The following KLHDC4 variants were observed in gnomAD, a reference collection of about 807,000 sequenced individuals.
KLHDC4 encodes the protein kelch domain-containing protein 4.
KLHDC4 carries 90 observed loss-of-function variants against 62.4 expected under a neutral mutation model. That is an observed-to-expected ratio of 1.44 (90% CI 1.22 to 1.72). The LOEUF (loss-of-function observed/expected upper bound fraction) is 1.72. Ranked by LOEUF, KLHDC4 falls within the 40% of genes most tolerant of loss-of-function variation. The probability of loss-of-function intolerance (pLI) is 0.00; values close to 1 mark genes in which losing one functional copy is unlikely to be tolerated. For synonymous variants in KLHDC4, 386 were observed against 284.4 expected (o/e 1.36, Z -3.59); for missense variants, 1,025 against 699.7 (o/e 1.47, Z -5.25).
chr16:87,725,984 G>T (rs2039300234), intron 7 of KLHDC4, among the ~76,000 whole-genome samples: 1 of 152,228 alleles, frequency 6.6e-6, no homozygotes, highest in Admixed American at 6.5e-5. Context: ...ACACTGCACT[G>T]CTGACAGGGG....
rs573428372 is a variant in KLHDC4 at position 87,744,555 on chromosome 16, C to G, written c.506+4118G>C. Among the ~76,000 whole-genome samples the G allele has an allele frequency of 4.0e-5, 6 of 151,010 alleles. No individual in the cohort carries two copies. In the East Asian group the frequency reaches 1.2e-3, roughly 29 times the overall value. ...CCAAGATTGTGCTACTGCACTCCAG[C>G]CTGGGCAACAGAGCTAGACTGTCTC... On this transcript the variant is annotated intron_variant, in intron 5 of 11. Coordinates refer to ENST00000270583, the MANE Select transcript of KLHDC4 (RefSeq NM_017566.4).
At chr16:87,722,134 T>C (rs1360620930) in intron 7 of KLHDC4, among the ~76,000 whole-genome samples, 1 of 152,158 alleles carries the variant, frequency 6.6e-6, no homozygotes, top group African/African-American at 2.4e-5. Context: ...TGCTGCTGGG[T>C]CTGCTGTCCC....
In KLHDC4 at chr16:87,760,791, G is replaced by C. The variant is rs138050091; in HGVS notation, c.191+1158C>G. ...CTCACGCCTGTAATCCCAGCACTTTGGGAGGCCAAGGCAGGTGGATTACCT... is the reference window on the plus strand; with the variant it reads ...CTCACGCCTGTAATCCCAGCACTTTCGGAGGCCAAGGCAGGTGGATTACCT... On this transcript the variant is annotated intron_variant, in intron 2 of 11. Transcript: ENST00000270583. Among the ~76,000 whole-genome samples the C allele has an allele frequency of 1.4e-4, 21 of 152,256 alleles. No homozygotes were observed. In the East Asian group the frequency reaches 3.5e-3, roughly 25 times the overall value.
intron 5 of KLHDC4, among the ~76,000 whole-genome samples, chr16:87,738,232 T>A (rs1445215787): frequency 1.3e-5 from 2 of 152,156 alleles, no homozygotes; most frequent in Admixed American, 6.5e-5. Flanking sequence ...AACGGAATCA[T>A]CCTGCCGAGG....
intron 8 of KLHDC4, among the ~76,000 whole-genome samples, chr16:87,713,629 C>G (rs1201400681): frequency 6.6e-6 from 1 of 152,240 alleles, no homozygotes; most frequent in Middle Eastern, 3.4e-3. Context: ...AACTGACGGG[C>G]AGCCACTGGC....
intron 5 of KLHDC4, among the ~76,000 whole-genome samples, chr16:87,737,961 C>T (rs920523284): frequency 6.6e-6 from 1 of 152,200 alleles, no homozygotes; most frequent in Non-Finnish European, 1.5e-5. Context: ...CGTCAGCAAA[C>T]AGCACAACGG....
chr16:87,706,475 C>G (rs1247148609), downstream of KLHDC4, among the ~76,000 whole-genome samples: 1 of 152,114 alleles, frequency 6.6e-6, no homozygotes, highest in Non-Finnish European at 1.5e-5. Flanking sequence ...AAGCTGCAGC[C>G]CTCGAGGGGG....
Position 87,711,318 on chromosome 16 carries a change from C to T in KLHDC4, c.961G>A (p.Glu321Lys). 1 of 1,614,124 alleles carries T rather than the reference C, an allele frequency of 6.2e-7. No homozygotes were observed. The highest frequency in any genetic ancestry group is 8.5e-7 in the Non-Finnish European group (1 of 1,180,038). Residue 321 changes from glutamate (E) to lysine (K), a missense_variant, in exon 9 of 12, where the codon GAG (glutamate) becomes AAG (lysine). Coordinates refer to ENST00000270583, the MANE Select transcript of KLHDC4 (RefSeq NM_017566.4). ...AAGAACTCGCCCGACAGGCTCTCCTCCTCTTCCTCGTCACAGACACCCCCG... is the reference window on the plus strand; with the variant it reads ...AAGAACTCGCCCGACAGGCTCTCCTTCTCTTCCTCGTCACAGACACCCCCG... ...FFGGVCDEEE[E>K]ESLSGEFFND...
At chr16:87,761,723 G>A (rs1336725464) in intron 2 of KLHDC4, among the ~76,000 whole-genome samples, 5 of 152,156 alleles carry the variant, frequency 3.3e-5, no homozygotes, top group Non-Finnish European at 7.3e-5. Context: ...AGTTGGCACC[G>A]GAGCCCAGAG....
chr16:87,728,253 G>A (rs570430029), intron 6 of KLHDC4, among the ~76,000 whole-genome samples: 63 of 152,314 alleles, frequency 4.1e-4, no homozygotes, highest in African/African-American at 1.4e-3. Context: ...ATCCTTCGCA[G>A]GACGATGGCT....
chr16:87,741,950 C>G (rs900728117), intron 5 of KLHDC4, among the ~76,000 whole-genome samples: 2 of 152,218 alleles, frequency 1.3e-5, no homozygotes, highest in African/African-American at 4.8e-5. Flanking sequence ...TGAGCTCTTC[C>G]TGGACTTCTC....
intron 1 of KLHDC4, among the ~76,000 whole-genome samples, chr16:87,764,259 A>T (rs991715580): frequency 5.3e-5 from 8 of 152,214 alleles, no homozygotes; most frequent in Non-Finnish European, 1.0e-4. Context: ...ATAACATACA[A>T]ACCCCAGGCC....
At chr16:87,756,539 C>T in intron 2 of KLHDC4, 62 bp from the exon 3 acceptor site, 2 of 1,185,844 alleles carry the variant, frequency 1.7e-6, no homozygotes, top group Non-Finnish European at 2.5e-6. Context: ...GAGCGCTGTC[C>T]CCTTCCTCAC....
chr16:87,717,039 C>A (rs1302722556), intron 7 of KLHDC4, among the ~76,000 whole-genome samples: 6 of 152,202 alleles, frequency 3.9e-5, no homozygotes. Context: ...CAAGACCAGC[C>A]TGGGCAATGG....
chr16:87,712,756 G>C (rs1343615682), intron 8 of KLHDC4, among the ~76,000 whole-genome samples: 1 of 152,236 alleles, frequency 6.6e-6, no homozygotes, highest in South Asian at 2.1e-4. Context: ...GAATTTTAGT[G>C]CAAGAAGGAG....
At chr16:87,752,089 C>CAAAAAAAAAAAAAAAA (rs1173625123) in intron 4 of KLHDC4, among the ~76,000 whole-genome samples, 1 of 29,468 alleles carries the variant, frequency 3.4e-5, no homozygotes, top group African/African-American at 1.7e-4. Context: ...GACTTTGTCT[C>CAAAAAAAAAAAAAAAA]AAAAAAAAAA....
chr16:87,746,990 G>A (rs1335220576), intron 5 of KLHDC4, among the ~76,000 whole-genome samples: 1 of 152,230 alleles, frequency 6.6e-6, no homozygotes, highest in Non-Finnish European at 1.5e-5. Flanking sequence ...TGCACACGAG[G>A]TAGGGGCTGC....
downstream of KLHDC4, among the ~76,000 whole-genome samples, chr16:87,704,224 G>A (rs1182987596): frequency 6.6e-6 from 1 of 152,196 alleles, no homozygotes; most frequent in East Asian, 1.9e-4. Context: ...ACGACACGTG[G>A]AAGGAGGCGC....
chr16:87,733,489 G>A (rs1286215243), intron 5 of KLHDC4, among the ~76,000 whole-genome samples: 1 of 152,208 alleles, frequency 6.6e-6, no homozygotes, highest in East Asian at 1.9e-4. Context: ...GACTACCCAG[G>A]GAATCTCCTA....
Sources: allele counts gnomAD v4.1 joint callset (sites outside exome capture counted in the v4.1 genomes callset), GRCh38; gene constraint gnomAD v4.1.1; transcripts MANE v1.5; gene names NCBI Gene and HGNC (gene_info 2026-07-23, HGNC 2026-07-21).